SLURP2: variants seen among roughly 807,000 people sequenced by gnomAD.
SLURP2 encodes the protein secreted LY6/PLAUR domain containing 2.
In SLURP2, 4 loss-of-function variants were observed where a neutral mutation model predicts 9.8. The observed-to-expected ratio is 0.41, with a 90% confidence interval of 0.20 to 0.94. SLURP2 has a LOEUF of 0.94. SLURP2 is among the 40% of genes least tolerant of loss of function. The probability of loss-of-function intolerance (pLI) is 0.32; values close to 1 mark genes in which losing one functional copy is unlikely to be tolerated. For synonymous variants in SLURP2, 58 were observed against 56.2 expected, an observed-to-expected ratio of 1.03 and a Z score of -0.15; for missense variants, 118 against 126.4, an observed-to-expected ratio of 0.93 and a Z score of 0.32.
rs922678576 is a variant in SLURP2 at position 142,768,367 on chromosome 8, G to A, written c.52+1388C>T. 6.6e-6 allele frequency among the ~76,000 whole-genome samples: 1 copy of A among 152,112 alleles called. No individual in the cohort carries two copies. Among genetic ancestry groups the A allele is most frequent in the African/African-American group, 2.4e-5 (1 of 41,412 alleles). On this transcript the variant is annotated intron_variant, in intron 1 of 2. Coordinates refer to ENST00000317543, the MANE Select transcript of SLURP2 (RefSeq NM_177458.3). The surrounding 1 kb of genome is among the most constrained non-coding windows in gnomAD (Gnocchi z 4.8). The stretch of plus-strand genomic sequence containing the variant: ...CTCTGAAGCAGGCTGGCCCCTCGGG[G>A]AGATTGTGCTGTCCATGTATGGCAG...
At position 142,767,951 on chromosome 8, in the gene SLURP2, AGGTTG is replaced by A. The variant is rs1337965697; in HGVS notation, c.52+1799_52+1803del. Among the ~76,000 whole-genome samples, 12 of 151,924 alleles carry A rather than the reference AGGTTG, an allele frequency of 7.9e-5. 1 individual carries two copies. The highest frequency in any genetic ancestry group is 6.8e-3 in the Middle Eastern group (2 of 294). ...ATGAATGAATTCCGGGGGTGGTTGC[AGGTTG>A]GGTTATCAAGAGAAATAATAATTCT... On this transcript the variant is annotated intron_variant, in intron 1 of 2. Transcript: ENST00000317543.
chr8:142,764,371 G>A lies in SLURP2; in HGVS notation c.*234C>T. The A allele has an allele frequency of 1.5e-6, 1 of 648,766 alleles. No individual in the cohort carries two copies. The highest frequency in any genetic ancestry group is 1.7e-5 in the South Asian group (1 of 60,004). 40.2% of individuals were successfully genotyped at this position (648,766 alleles called of 1,614,324 possible). A position where few individuals can be genotyped will look rare whatever the true frequency, so the allele number is the denominator to read the frequency against. On this transcript the variant is annotated 3_prime_UTR_variant, in exon 3 of 3. Coordinates refer to ENST00000317543, the MANE Select transcript of SLURP2 (RefSeq NM_177458.3). ...CACGATCCAATCACATTTTATTGTG[G>A]GGAGGTCGGGACCTGAAGGGGCGGC...
At chr8:142,769,643 C>A in intron 1 of SLURP2, 112 bp downstream of exon 1, 1 of 912,346 alleles carries the variant, frequency 1.1e-6, no homozygotes, top group South Asian at 1.6e-5. Context: ...GGTGGGGGGA[C>A]AGGAATGGGT....
In SLURP2 at chr8:142,765,132, C is replaced by A; in HGVS notation, c.61G>T (p.Glu21Ter). Residue 21 changes from glutamate (E) to a stop codon, truncating the protein, a stop_gained, in exon 2 of 3, where the codon GAA (glutamate) becomes TAA (stop). Coordinates refer to ENST00000317543, the MANE Select transcript of SLURP2 (RefSeq NM_177458.3). LOFTEE classifies it high-confidence loss of function. ...GTGCACTGGTGACACCATATGGCTTCGGCTGCAGCTGCGGACATGGGGACA... is the reference window on the plus strand; with the variant it reads ...GTGCACTGGTGACACCATATGGCTTAGGCTGCAGCTGCGGACATGGGGACA... ...AVLSLQLAAA[E>*]AIWCHQCTGF... is the part of the protein sequence containing the mutation. 1 of 1,608,662 alleles carries A rather than the reference C, an allele frequency of 6.2e-7. No individual in the cohort carries two copies. The highest frequency in any genetic ancestry group is 2.2e-5 in the East Asian group (1 of 44,768).
intron 1 of SLURP2, chr8:142,766,140 G>A (rs35290104): frequency 0.29 from 43,901 of 151,864 alleles, 6,512 homozygotes; most frequent in Non-Finnish European, 0.31. Context: ...TTTCCCAGGC[G>A]CTGTGGAGAC....
chr8:142,764,654 G>T lies in SLURP2; in HGVS notation c.245C>A (p.Pro82His). ...CPDIPSLGLG[P>H]YVSIACCQTS... ...CTGGCAGCAAGCGATGGATACGTAG[G>T]GGCCCAGGCCCAGGCTGGGGATATC... The change falls in exon 3 of 3, where the codon CCC becomes CAC. Residue 82 changes from proline (P) to histidine (H), a missense_variant. By Grantham distance (77) the Pro-to-His change is moderately conservative (BLOSUM62 -2). Coordinates refer to ENST00000317543, the MANE Select transcript of SLURP2 (RefSeq NM_177458.3). 6.2e-7 allele frequency: 1 copy of T among 1,610,288 alleles called. No individual in the cohort carries two copies. Among genetic ancestry groups the T allele is most frequent in the Non-Finnish European group, 8.5e-7 (1 of 1,178,884 alleles).
rs2717554 is a variant in SLURP2, at chr8:142,764,535, T to A, written c.*70A>T. 10 of 1,523,864 alleles carry A rather than the reference T, an allele frequency of 6.6e-6. No individual in the cohort carries two copies. The highest frequency in any genetic ancestry group is 2.8e-5 in the African/African-American group (2 of 71,774). The allele number at this position is 1,523,864 out of a possible 1,614,324, so 94.4% of individuals were successfully genotyped here. On this transcript the variant is annotated 3_prime_UTR_variant, in exon 3 of 3. Coordinates refer to ENST00000317543, the MANE Select transcript of SLURP2 (RefSeq NM_177458.3). Reference sequence around the variant, plus strand: ...TGGCCAGTCTCGAGGGAGGGGCAGCTGTGAGCCCTGGCGCCAGGCTGTGGG... The same window carrying A: ...TGGCCAGTCTCGAGGGAGGGGCAGCAGTGAGCCCTGGCGCCAGGCTGTGGG...
At chr8:142,766,617 C>T (rs1815017166) in intron 1 of SLURP2, among the ~76,000 whole-genome samples, 1 of 152,172 alleles carries the variant, frequency 6.6e-6, no homozygotes, top group Non-Finnish European at 1.5e-5. Context: ...GGGCACCCCC[C>T]AAGGGCTTCC....
chr8:142,766,477 C>G (rs947517138), intron 1 of SLURP2: 4 of 152,372 alleles, frequency 2.6e-5, no homozygotes, highest in Non-Finnish European at 5.9e-5. Context: ...GTGGCGGCAC[C>G]CAGGCAGCTG....
At position 142,768,990 on chromosome 8, in the gene SLURP2, C is replaced by T. The variant is rs1283062343; in HGVS notation, c.52+765G>A. ...GGCTGCTTGGGCTTGGAGGTGCAGG[C>T]CACCGGCAGATCAAGGGGCCAGCTG... On this transcript the variant is annotated intron_variant, in intron 1 of 2. Transcript: ENST00000317543. The surrounding 1 kb of genome is among the most constrained non-coding windows in gnomAD (Gnocchi z 4.8). Among the ~76,000 whole-genome samples the T allele has an allele frequency of 3.3e-5, 5 of 151,996 alleles. No individual in the cohort carries two copies. The highest frequency in any genetic ancestry group is 7.4e-5 in the Non-Finnish European group (5 of 67,970).
chr8:142,768,056 G>A lies in SLURP2; in HGVS notation c.52+1699C>T, dbSNP rs1279689843. Among the ~76,000 whole-genome samples, 1 of 151,708 alleles carries A rather than the reference G, an allele frequency of 6.6e-6. No individual in the cohort carries two copies. The highest frequency in any genetic ancestry group is 1.9e-4 in the East Asian group (1 of 5,160). On this transcript the variant is annotated intron_variant, in intron 1 of 2. Transcript: ENST00000317543. This position sits in a 1 kb window ranked among gnomAD's most constrained non-coding sequence, Gnocchi z 4.8. ...GCAGATAAAATGTTAGCTCCAAACCGGAAAGGCTGCTCGATGGTGACTGTG... is the reference window on the plus strand; with the variant it reads ...GCAGATAAAATGTTAGCTCCAAACCAGAAAGGCTGCTCGATGGTGACTGTG...
At position 142,764,562 on chromosome 8, in the gene SLURP2, G is replaced by T. The variant is rs748192930; in HGVS notation, c.*43C>A. ...TGAGCCCTGGCGCCAGGCTGTGGGGGCTGTGGGGGCTGAGCGTCCGGGGGC... is the reference window on the plus strand; with the variant it reads ...TGAGCCCTGGCGCCAGGCTGTGGGGTCTGTGGGGGCTGAGCGTCCGGGGGC... On this transcript the variant is annotated 3_prime_UTR_variant, in exon 3 of 3. Transcript: ENST00000317543. 3.8e-6 allele frequency: 6 copies of T among 1,589,932 alleles called. No individual in the cohort carries two copies. In the South Asian group the frequency reaches 6.7e-5, roughly 18 times the overall value.
At chr8:142,769,692 A>G in intron 1 of SLURP2, 63 bp downstream of exon 1, 1 of 1,464,876 alleles carries the variant, frequency 6.8e-7, no homozygotes, top group South Asian at 1.2e-5. Context: ...GGCTGGAGGG[A>G]CGGTGGTTGG....
intron 1 of SLURP2, 136 bp downstream of exon 1, chr8:142,769,619 T>C (rs1411022471): frequency 1.8e-5 from 13 of 741,146 alleles, no homozygotes; most frequent in Admixed American, 5.2e-5. Flanking sequence ...GGAGGAAAGC[T>C]GCACCTGGTA....
chr8:142,767,060 G>A (rs587774422), intron 1 of SLURP2, among the ~76,000 whole-genome samples: 2 of 152,370 alleles, frequency 1.3e-5, no homozygotes, highest in Non-Finnish European at 2.9e-5. Context: ...GTTCCTGACA[G>A]CATGGCTCTG....
rs759902713 is a variant in SLURP2 at position 142,769,821 on chromosome 8, G to A, written c.-15C>T. 22 of 1,582,340 alleles carry A rather than the reference G, an allele frequency of 1.4e-5. No individual in the cohort carries two copies. The South Asian group carries it at 1.8e-4, about 13-fold the overall frequency. On this transcript the variant is annotated 5_prime_UTR_variant, in exon 1 of 3. Coordinates refer to ENST00000317543, the MANE Select transcript of SLURP2 (RefSeq NM_177458.3). ...CCGAGCTGCATGTTCTCCTGGTGAG[G>A]TCGGGCTGTCGGCGCCCTGGCCGGC...
chr8:142,768,174 A>AGAGG lies in SLURP2; in HGVS notation c.52+1577_52+1580dup, dbSNP rs764978164. 1.5e-5 allele frequency among the ~76,000 whole-genome samples: 2 copies of AGAGG among 132,998 alleles called. No homozygotes were observed. The highest frequency in any genetic ancestry group is 5.5e-4 in the South Asian group (2 of 3,616). 87.3% of individuals were successfully genotyped at this position (132,998 alleles called of 152,430 possible). ...AGGAGAGAGGAAGGGAGGGAGGAGG[A>AGAGG]GAGGAAGGAAGGAAGGGAAGGAGGG... is the stretch of plus-strand genomic sequence containing the variant. On this transcript the variant is annotated intron_variant, in intron 1 of 2. Transcript: ENST00000317543. The surrounding 1 kb of genome is among the most constrained non-coding windows in gnomAD (Gnocchi z 4.8).
Position 142,768,232 on chromosome 8 carries a change from G to T in SLURP2, c.52+1523C>A, listed in dbSNP as rs1163732052. Among the ~76,000 whole-genome samples the T allele has an allele frequency of 5.1e-5, 7 of 138,370 alleles. No individual in the cohort carries two copies. Among genetic ancestry groups the T allele is most frequent in the East Asian group, 2.4e-4 (1 of 4,122 alleles). The allele number at this position is 138,370 out of a possible 152,430, so 90.8% of individuals were successfully genotyped here. A position where few individuals can be genotyped will look rare whatever the true frequency, so the allele number is the denominator to read the frequency against. On this transcript the variant is annotated intron_variant, in intron 1 of 2. Coordinates refer to ENST00000317543, the MANE Select transcript of SLURP2 (RefSeq NM_177458.3). This position sits in a 1 kb window ranked among gnomAD's most constrained non-coding sequence, Gnocchi z 4.8. ...ATAGAGAGGAGGAGGGAGGTGGGGT[G>T]GGGGGGAGGGGGCAGGAATAATGGA...
At chr8:142,769,652 G>A (rs1815114300) in intron 1 of SLURP2, 103 bp downstream of exon 1, 2 of 1,033,554 alleles carry the variant, frequency 1.9e-6, no homozygotes, top group South Asian at 1.5e-5. Flanking sequence ...ACAGGAATGG[G>A]TTCTCCCGAG....
Sources: allele counts gnomAD v4.1 joint callset (sites outside exome capture counted in the v4.1 genomes callset), GRCh38; gene constraint gnomAD v4.1.1; non-coding constraint Gnocchi (gnomAD v3.1); transcripts MANE v1.5; gene names NCBI Gene and HGNC (gene_info 2026-07-23, HGNC 2026-07-21).